The following ADAM32 variants were observed in gnomAD, a reference collection of about 807,000 sequenced individuals.
ADAM32 encodes disintegrin and metalloproteinase domain-containing protein 32.
In ADAM32, 89 loss-of-function variants were observed where a neutral mutation model predicts 114.9. The observed-to-expected ratio is 0.77, with a 90% CI of 0.65 to 0.92. The LOEUF (loss-of-function observed/expected upper bound fraction) is 0.92, where lower values mean the gene tolerates loss of function less well. Ranked by LOEUF, ADAM32 falls within the 40% of genes least tolerant of loss-of-function variation. ADAM32 has a pLI of 0.00. For missense variants in ADAM32, 870 were observed against 932.8 expected, an observed-to-expected ratio of 0.93 and a Z score of 0.88; for synonymous variants, 285 against 307.5, an observed-to-expected ratio of 0.93 and a Z score of 0.77.
intron 3 of ADAM32, among the ~76,000 whole-genome samples, chr8:39,138,713 G>T (rs1802958941): frequency 6.6e-6 from 1 of 152,090 alleles, no homozygotes; most frequent in African/African-American, 2.4e-5. Flanking sequence ...TGGGTCAAAT[G>T]GTATTTCTAG....
intron 21 of ADAM32, among the ~76,000 whole-genome samples, 190 bp downstream of exon 21, chr8:39,274,540 A>G (rs1812955450): frequency 6.6e-6 from 1 of 152,236 alleles, no homozygotes; most frequent in Non-Finnish European, 1.5e-5. Flanking sequence ...ATAAATGTTT[A>G]CTGGAGGTCT....
At chr8:39,229,667 T>G (rs1324085218) in intron 14 of ADAM32, among the ~76,000 whole-genome samples, 1 of 152,166 alleles carries the variant, frequency 6.6e-6, no homozygotes, top group African/African-American at 2.4e-5. Context: ...TAAACATATA[T>G]GCACCTATCA....
chr8:39,182,431 T>C (rs1428913777), intron 10 of ADAM32, among the ~76,000 whole-genome samples: 2 of 152,260 alleles, frequency 1.3e-5, no homozygotes, highest in African/African-American at 2.4e-5. Flanking sequence ...GCCTTTACCA[T>C]GCACAACATG....
intron 14 of ADAM32, among the ~76,000 whole-genome samples, chr8:39,229,243 C>T (rs1809580001): frequency 6.6e-6 from 1 of 152,100 alleles, no homozygotes; most frequent in African/African-American, 2.4e-5. Flanking sequence ...AAGAATAAAT[C>T]ACACAGGACC....
At chr8:39,279,441 G>A (rs1047868604) in intron 22 of ADAM32, among the ~76,000 whole-genome samples, 1 of 152,044 alleles carries the variant, frequency 6.6e-6, no homozygotes, top group Non-Finnish European at 1.5e-5. Flanking sequence ...CTGCCACCAC[G>A]CCTGGCTAAT....
chr8:39,142,415 CA>C lies in ADAM32; in HGVS notation c.201-4714del, dbSNP rs561327847. On this transcript the variant is annotated intron_variant, in intron 3 of 24. Transcript: ENST00000379907. ...CAGGCCTGTTGGTGACAAAATCTCT[CA>C]GCATTTGCTTGTCTGTAAAGTATTT... Among the ~76,000 whole-genome samples the C allele has an allele frequency of 2.8e-3, 434 of 152,314 alleles. 6 individuals are homozygous for C. Among genetic ancestry groups the C allele is most frequent in the African/African-American group, 9.9e-3 (411 of 41,568 alleles).
intron 12 of ADAM32, among the ~76,000 whole-genome samples, chr8:39,216,891 T>TAAAGTGTTATAATAAC (rs1407796794): frequency 1.7e-3 from 2 of 1,208 alleles, no homozygotes; most frequent in Non-Finnish European, 7.7e-3. Flanking sequence ...GCACCCCAGT[T>TAAAGTGTTATAATAAC]AAAGTGTTAT....
chr8:39,266,600 G>T (rs1342278240), intron 19 of ADAM32, among the ~76,000 whole-genome samples: 1 of 152,132 alleles, frequency 6.6e-6, no homozygotes, highest in Non-Finnish European at 1.5e-5. Flanking sequence ...TCGACCTTCT[G>T]TATGTCGATG....
intron 22 of ADAM32, 134 bp from the exon 23 acceptor site, chr8:39,281,002 T>C: frequency 4.4e-6 from 1 of 225,672 alleles, no homozygotes. Flanking sequence ...CAGGATGGTC[T>C]CGATCTCCTG....
At chr8:39,133,441 T>A (rs1433033755) in intron 2 of ADAM32, among the ~76,000 whole-genome samples, 1 of 152,226 alleles carries the variant, frequency 6.6e-6, no homozygotes, top group Non-Finnish European at 1.5e-5. Flanking sequence ...GACTGGGGAC[T>A]GTGGCGAGGC....
At chr8:39,157,473 C>CTT (rs910957337) in intron 6 of ADAM32, 9 of 357,952 alleles carry the variant, frequency 2.5e-5, no homozygotes, top group South Asian at 4.9e-5. Flanking sequence ...TTTCTTCACT[C>CTT]TTTTTTTTTC....
At chr8:39,229,461 A>G (rs1385820322) in intron 14 of ADAM32, among the ~76,000 whole-genome samples, 4 of 152,188 alleles carry the variant, frequency 2.6e-5, no homozygotes, top group Admixed American at 2.6e-4. Flanking sequence ...GACTCACCTA[A>G]CACATAAGAA....
intron 10 of ADAM32, among the ~76,000 whole-genome samples, chr8:39,170,748 TAAA>T (rs1442605912): frequency 6.6e-6 from 1 of 152,042 alleles, no homozygotes; most frequent in Non-Finnish European, 1.5e-5. Context: ...GAGTTTTAAA[TAAA>T]AAAATTTTTA....
chr8:39,272,767 T>C (rs2129451401), intron 20 of ADAM32, among the ~76,000 whole-genome samples: 1 of 152,306 alleles, frequency 6.6e-6, no homozygotes, highest in East Asian at 1.9e-4. Context: ...CTAAATTTAC[T>C]TAAAAATTTA....
At chr8:39,135,403 A>T (rs1409311029) in intron 2 of ADAM32, among the ~76,000 whole-genome samples, 2 of 152,156 alleles carry the variant, frequency 1.3e-5, no homozygotes, top group Non-Finnish European at 2.9e-5. Flanking sequence ...ACTTCTGAAA[A>T]TTTGGAATAA....
chr8:39,113,272 C>T (rs560091860), intron 1 of ADAM32, among the ~76,000 whole-genome samples: 5 of 152,294 alleles, frequency 3.3e-5, no homozygotes, highest in South Asian at 4.1e-4. Flanking sequence ...CAGATGACTG[C>T]AGCCACATGA....
In ADAM32 at chr8:39,127,734, T is replaced by C. The variant is rs28796972; in HGVS notation, c.139-8923T>C. The stretch of plus-strand genomic sequence containing the variant: ...TCTTCTTCTAGCTTTGGGGTTTGTT[T>C]GCTCTTAGTTCTCTAGTTCTTTTTG... On this transcript the variant is annotated intron_variant, in intron 2 of 24. Coordinates refer to ENST00000379907, the MANE Select transcript of ADAM32 (RefSeq NM_145004.7). 2.0e-3 allele frequency among the ~76,000 whole-genome samples: 303 copies of C among 152,296 alleles called. 1 individual carries two copies. Among genetic ancestry groups the C allele is most frequent in the African/African-American group, 6.5e-3 (271 of 41,574 alleles).
intron 11 of ADAM32, among the ~76,000 whole-genome samples, chr8:39,198,886 A>AT (rs1488327221): frequency 1.3e-5 from 2 of 152,080 alleles, no homozygotes; most frequent in Admixed American, 6.6e-5. Context: ...AGCATTTCTT[A>AT]TAGGACTAGT....
intron 3 of ADAM32, among the ~76,000 whole-genome samples, chr8:39,142,418 C>A (rs1803219029): frequency 6.6e-6 from 1 of 152,182 alleles, no homozygotes; most frequent in African/African-American, 2.4e-5. Context: ...AATCTCTCAG[C>A]ATTTGCTTGT....
Sources: gnomAD v4.1 joint callset for allele counts (sites outside exome capture counted in the v4.1 genomes callset) on GRCh38, gnomAD v4.1.1 for gene constraint, MANE v1.5 for transcripts, NCBI Gene and HGNC (gene_info 2026-07-23, HGNC 2026-07-21) for gene names.